CAMTA1: variants seen among roughly 807,000 people sequenced by gnomAD.
CAMTA1 encodes calmodulin binding transcription activator 1.
CAMTA1 carries 27 observed loss-of-function variants against 170.9 expected under a neutral mutation model. That is an observed-to-expected ratio of 0.16 (90% CI 0.12 to 0.22). The LOEUF (loss-of-function observed/expected upper bound fraction) is 0.22. Among genes scored for constraint, CAMTA1 ranks in the 10% least tolerant of loss-of-function variants. CAMTA1 has a pLI of 1.00. For synonymous variants in CAMTA1, 833 were observed against 891.5 expected, an observed-to-expected ratio of 0.93 and a Z score of 1.17; for missense variants, 1,619 against 2,217.2, an observed-to-expected ratio of 0.73 and a Z score of 5.42.
At chr1:7,586,956 C>G (rs1039264320) in intron 6 of CAMTA1, among the ~76,000 whole-genome samples, 17 of 152,000 alleles carry the variant, frequency 1.1e-4, no homozygotes, top group African/African-American at 3.9e-4. Context: ...GGTTGGTGGA[C>G]TCAAAGTAGC....
chr1:7,147,716 A>G (rs184122750), intron 4 of CAMTA1, among the ~76,000 whole-genome samples: 2 of 149,180 alleles, frequency 1.3e-5, no homozygotes, highest in East Asian at 4.0e-4. Flanking sequence ...TCAAACATAT[A>G]CCATGCACAC....
intron 4 of CAMTA1, among the ~76,000 whole-genome samples, chr1:7,177,423 C>T (rs72859255): frequency 0.014 from 2,094 of 150,302 alleles, 48 homozygotes; most frequent in African/African-American, 0.048. Flanking sequence ...AGGCCCTTCT[C>T]ACACACACAA....
At chr1:7,629,789 T>G (rs2095656567) in intron 6 of CAMTA1, among the ~76,000 whole-genome samples, 1 of 151,892 alleles carries the variant, frequency 6.6e-6, no homozygotes, top group South Asian at 2.1e-4. Flanking sequence ...GGTCCTGCCC[T>G]CCTCTCCAGG....
chr1:7,579,327 C>T lies in CAMTA1; in HGVS notation c.511-61073C>T, dbSNP rs1481802864. On this transcript the variant is annotated intron_variant, in intron 6 of 22. Coordinates refer to ENST00000303635, the MANE Select transcript of CAMTA1 (RefSeq NM_015215.4). Reference sequence around the variant, plus strand: ...GAGGCTTCCAAGCAGATCTGTGCCACAGCAACAACCGTCACGATGGTGGCA... The same window carrying T: ...GAGGCTTCCAAGCAGATCTGTGCCATAGCAACAACCGTCACGATGGTGGCA... Among the ~76,000 whole-genome samples the T allele has an allele frequency of 2.6e-5, 4 of 152,228 alleles. No homozygotes were observed. The South Asian group carries it at 6.2e-4, about 24-fold the overall frequency.
intron 3 of CAMTA1, among the ~76,000 whole-genome samples, chr1:6,878,546 C>T (rs1670581202): frequency 6.6e-6 from 1 of 152,200 alleles, no homozygotes; most frequent in Non-Finnish European, 1.5e-5. Flanking sequence ...ATCCTCTCAG[C>T]CATGTCACAG....
At chr1:7,055,623 G>T (rs546560663) in intron 3 of CAMTA1, among the ~76,000 whole-genome samples, 42 of 152,340 alleles carry the variant, frequency 2.8e-4, no homozygotes, top group African/African-American at 9.9e-4. Context: ...CCTGGATGGA[G>T]ACCTGGCCTC....
At chr1:6,839,567 G>A (rs961050588) in intron 3 of CAMTA1, among the ~76,000 whole-genome samples, 1 of 152,128 alleles carries the variant, frequency 6.6e-6, no homozygotes, top group African/African-American at 2.4e-5. Flanking sequence ...CAATACAAAA[G>A]TAAACAAGTA....
intron 4 of CAMTA1, among the ~76,000 whole-genome samples, chr1:7,227,642 T>C (rs1232542700): frequency 6.6e-6 from 1 of 152,228 alleles, no homozygotes; most frequent in African/African-American, 2.4e-5. Context: ...CTCATCCCTT[T>C]GTAAACGTCA....
chr1:7,622,484 C>G (rs2095605521), intron 6 of CAMTA1, among the ~76,000 whole-genome samples: 1 of 152,226 alleles, frequency 6.6e-6, no homozygotes. Context: ...AAACAGCTGA[C>G]TTCATTATAA....
At chr1:7,305,938 C>G (rs917574923) in intron 5 of CAMTA1, among the ~76,000 whole-genome samples, 1 of 151,954 alleles carries the variant, frequency 6.6e-6, no homozygotes, top group Non-Finnish European at 1.5e-5. Flanking sequence ...TTTGCATGGG[C>G]TTATTTTCCA....
chr1:7,737,648 C>A, intron 15 of CAMTA1, 78 bp downstream of exon 15: 1 of 1,315,230 alleles, frequency 7.6e-7, no homozygotes, highest in East Asian at 2.4e-5. Context: ...TCAGCAGAGT[C>A]CATAGGATAG....
intron 11 of CAMTA1, among the ~76,000 whole-genome samples, chr1:7,703,693 A>G (rs961044342): frequency 6.6e-6 from 1 of 152,178 alleles, no homozygotes; most frequent in Non-Finnish European, 1.5e-5. Flanking sequence ...CTATATATCT[A>G]TATCTATTAG....
intron 3 of CAMTA1, among the ~76,000 whole-genome samples, chr1:6,928,966 G>A (rs963911209): frequency 2.0e-5 from 3 of 152,210 alleles, no homozygotes; most frequent in Non-Finnish European, 2.9e-5. Flanking sequence ...ACCAGCAAGC[G>A]TGTCTGTAGG....
intron 5 of CAMTA1, among the ~76,000 whole-genome samples, chr1:7,385,356 A>G (rs1315624437): frequency 6.6e-6 from 1 of 152,166 alleles, no homozygotes. Flanking sequence ...CCACTGCAGC[A>G]ATATTTCCAG....
chr1:7,077,224 G>GTTTT lies in CAMTA1; in HGVS notation c.235-14063_235-14060dup, dbSNP rs113439901. On this transcript the variant is annotated intron_variant, in intron 3 of 22. Coordinates refer to ENST00000303635, the MANE Select transcript of CAMTA1 (RefSeq NM_015215.4). ...AGGCAGTTCTGGAATTTAAGGAAAG[G>GTTTT]TTTTTTTTTTTTTTTTTTTTGGATC... Among the ~76,000 whole-genome samples the GTTTT allele has an allele frequency of 2.9e-3, 338 of 118,530 alleles. 3 individuals carry two copies. The highest frequency in any genetic ancestry group is 9.8e-3 in the African/African-American group (313 of 31,796). 77.8% of individuals were successfully genotyped at this position (118,530 alleles called of 152,430 possible).
intron 11 of CAMTA1, among the ~76,000 whole-genome samples, chr1:7,728,730 C>CT (rs2096709857): frequency 6.6e-6 from 1 of 152,240 alleles, no homozygotes; most frequent in Non-Finnish European, 1.5e-5. Flanking sequence ...GAACTGAACT[C>CT]TAACTGAAGA....
intron 3 of CAMTA1, among the ~76,000 whole-genome samples, chr1:7,018,350 T>C (rs1355643229): frequency 6.6e-6 from 1 of 152,170 alleles, no homozygotes; most frequent in Non-Finnish European, 1.5e-5. Flanking sequence ...ACGGACCTAC[T>C]GGTGGCTCGC....
intron 11 of CAMTA1, among the ~76,000 whole-genome samples, chr1:7,707,456 G>T (rs1211740520): frequency 6.6e-6 from 1 of 151,896 alleles, no homozygotes; most frequent in African/African-American, 2.4e-5. Flanking sequence ...GTTCAGTGCA[G>T]CCTCCACCTC....
intron 3 of CAMTA1, among the ~76,000 whole-genome samples, chr1:6,829,111 C>G (rs1648609548): frequency 6.6e-6 from 1 of 152,044 alleles, no homozygotes; most frequent in African/African-American, 2.4e-5. Context: ...CCCTGTTGGC[C>G]AGGCTGGTCT....
Sources: gnomAD v4.1 joint callset for allele counts (sites outside exome capture counted in the v4.1 genomes callset) on GRCh38, gnomAD v4.1.1 for gene constraint, MANE v1.5 for transcripts, NCBI Gene and HGNC (gene_info 2026-07-23, HGNC 2026-07-21) for gene names.